The following SMIM31 variants were observed in gnomAD, a reference collection of about 807,000 sequenced individuals.
SMIM31 encodes the protein human epithelial cell program regulator.
chr4:164,778,702 G>A (rs1358697394), intron 2 of SMIM31, among the ~76,000 whole-genome samples: 1 of 152,178 alleles, frequency 6.6e-6, no homozygotes, highest in Non-Finnish European at 1.5e-5. Flanking sequence ...TGCCCAAGGA[G>A]AGGAAGAGGC....
Position 164,790,063 on chromosome 4 carries a change from A to C in SMIM31, c.113-11028A>C, listed in dbSNP as rs1367158296. Reference sequence around the variant, plus strand: ...CTACTTCTGTCTCACGATATATTCAAGGGAACCAGATAAGCAAGGAACACA... The same window carrying C: ...CTACTTCTGTCTCACGATATATTCACGGGAACCAGATAAGCAAGGAACACA... On this transcript the variant is annotated intron_variant, in intron 2 of 2. Transcript: ENST00000507311. Among the ~76,000 whole-genome samples, 6 of 152,322 alleles carry C rather than the reference A, an allele frequency of 3.9e-5. No individual in the cohort carries two copies. The East Asian group carries it at 1.2e-3, about 29-fold the overall frequency.
chr4:164,756,563 C>T (rs1732563960), intron 1 of SMIM31, among the ~76,000 whole-genome samples: 1 of 146,530 alleles, frequency 6.8e-6, no homozygotes, highest in Non-Finnish European at 1.5e-5. Context: ...CAGAGCGAGA[C>T]TCTGTCTCAA....
intron 2 of SMIM31, among the ~76,000 whole-genome samples, chr4:164,799,299 C>T (rs1487975379): frequency 4.6e-5 from 7 of 152,096 alleles, no homozygotes; most frequent in East Asian, 3.9e-4. Context: ...GTGGGAGGAT[C>T]GCTTGAGTCC....
intron 1 of SMIM31, among the ~76,000 whole-genome samples, chr4:164,762,042 G>C (rs955989264): frequency 6.6e-6 from 1 of 152,174 alleles, no homozygotes; most frequent in Non-Finnish European, 1.5e-5. Flanking sequence ...GGAGGGAGGA[G>C]AAACGTGAAA....
At chr4:164,784,899 G>GTTTT (rs112698821) in intron 2 of SMIM31, among the ~76,000 whole-genome samples, 1,754 of 146,182 alleles carry the variant, frequency 0.012, 12 homozygotes, top group African/African-American at 0.016. Context: ...ATTTGTTTGG[G>GTTTT]TTTTTTTTTT....
At chr4:164,773,261 G>A (rs1332004777) in intron 2 of SMIM31, among the ~76,000 whole-genome samples, 1 of 152,104 alleles carries the variant, frequency 6.6e-6, no homozygotes, top group Non-Finnish European at 1.5e-5. Context: ...GTCACTCCTG[G>A]ATTCATGTCC....
chr4:164,784,604 T>C (rs928927362), intron 2 of SMIM31, among the ~76,000 whole-genome samples: 2 of 152,268 alleles, frequency 1.3e-5, no homozygotes, highest in Non-Finnish European at 2.9e-5. Flanking sequence ...ACTACAAAGA[T>C]GCTGGGAGAA....
chr4:164,754,392 C>T lies in SMIM31; in HGVS notation c.-45C>T, dbSNP rs1019155185. On this transcript the variant is annotated 5_prime_UTR_variant, in exon 1 of 3. Coordinates refer to ENST00000507311, the MANE Select transcript of SMIM31 (RefSeq NM_001352885.1). ...TCACGGGTTCCTTCCTAGCCACTCT[C>T]AGGGACAGGAATGCTTCTGGTAAGT... The T allele has an allele frequency of 6.6e-6, 1 of 151,886 alleles. No individual in the cohort carries two copies. The highest frequency in any genetic ancestry group is 1.5e-5 in the Non-Finnish European group (1 of 68,004). 9.4% of individuals were successfully genotyped at this position (151,886 alleles called of 1,614,324 possible). A position where few individuals can be genotyped will look rare whatever the true frequency, so the allele number is the denominator to read the frequency against.
rs2110930049 is a variant in SMIM31, at chr4:164,768,857, G to A, written c.-25-1562G>A. Among the ~76,000 whole-genome samples, 4 of 152,304 alleles carry A rather than the reference G, an allele frequency of 2.6e-5. No homozygotes were observed. The Middle Eastern group carries it at 0.014, about 518-fold the overall frequency. The stretch of plus-strand genomic sequence containing the variant: ...CTTCATATTCTCTGAAGAAGCAGAA[G>A]CTTGATCAATTCATTTTCCAAATAT... On this transcript the variant is annotated intron_variant, in intron 1 of 2. Coordinates refer to ENST00000507311, the MANE Select transcript of SMIM31 (RefSeq NM_001352885.1).
intron 1 of SMIM31, among the ~76,000 whole-genome samples, chr4:164,759,051 T>C (rs1277589833): frequency 6.6e-6 from 1 of 151,966 alleles, no homozygotes; most frequent in Non-Finnish European, 1.5e-5. Context: ...GACCCTGGGA[T>C]AAACCCTGCT....
At chr4:164,766,484 G>A (rs1362109457) in intron 1 of SMIM31, among the ~76,000 whole-genome samples, 2 of 151,950 alleles carry the variant, frequency 1.3e-5, no homozygotes, top group Non-Finnish European at 1.5e-5. Flanking sequence ...AACTTTAATG[G>A]GGAAAGACAG....
chr4:164,759,132 T>C (rs1307795171), intron 1 of SMIM31, among the ~76,000 whole-genome samples: 4 of 152,108 alleles, frequency 2.6e-5, no homozygotes, highest in Admixed American at 2.6e-4. Context: ...GATTTTTGTG[T>C]TTATGTACAT....
At chr4:164,771,362 A>T (rs1211353479) in intron 2 of SMIM31, among the ~76,000 whole-genome samples, 1 of 152,212 alleles carries the variant, frequency 6.6e-6, no homozygotes, top group Admixed American at 6.5e-5. Flanking sequence ...CCAAAATAGC[A>T]GTTACTTTAA....
chr4:164,762,662 C>CA (rs1162067333), intron 1 of SMIM31, among the ~76,000 whole-genome samples: 11,344 of 99,730 alleles, frequency 0.11, 703 homozygotes, highest in African/African-American at 0.21. Flanking sequence ...GACTCTGTCT[C>CA]AAAAAAAAAA....
intron 1 of SMIM31, among the ~76,000 whole-genome samples, chr4:164,768,407 T>C (rs12507750): frequency 0.48 from 67,170 of 141,086 alleles, 16,825 homozygotes; most frequent in Admixed American, 0.56. Flanking sequence ...CCAGCCTGGG[T>C]GACGAGCAAC....
At chr4:164,772,711 TG>T (rs1163582088) in intron 2 of SMIM31, among the ~76,000 whole-genome samples, 2 of 151,642 alleles carry the variant, frequency 1.3e-5, no homozygotes, top group Non-Finnish European at 2.9e-5. Context: ...CCCGTGTAGC[TG>T]GGACTACAGG....
At chr4:164,755,225 A>G (rs976120746) in intron 1 of SMIM31, among the ~76,000 whole-genome samples, 22 of 151,482 alleles carry the variant, frequency 1.5e-4, no homozygotes, top group African/African-American at 5.1e-4. Flanking sequence ...CATGCCTGTA[A>G]TCCCAGTACT....
rs1733299041 is a variant in SMIM31 at position 164,802,423 on chromosome 4, A to T, written c.*1229A>T. 3 of 152,262 alleles carry T rather than the reference A, an allele frequency of 2.0e-5. No individual in the cohort carries two copies. The allele number at this position is 152,262 out of a possible 1,614,324, so 9.4% of individuals were successfully genotyped here. Reference sequence around the variant, plus strand: ...GCTAATTTTTGTAATTGTTTGTAGAACCAAGGCCTCTCTATGTTGCCTAGG... The same window carrying T: ...GCTAATTTTTGTAATTGTTTGTAGATCCAAGGCCTCTCTATGTTGCCTAGG... On this transcript the variant is annotated 3_prime_UTR_variant, in exon 3 of 3. Coordinates refer to ENST00000507311, the MANE Select transcript of SMIM31 (RefSeq NM_001352885.1).
At chr4:164,795,252 G>A (rs2110962779) in intron 2 of SMIM31, among the ~76,000 whole-genome samples, 1 of 152,160 alleles carries the variant, frequency 6.6e-6, no homozygotes, top group Non-Finnish European at 1.5e-5. Flanking sequence ...TATAACAAAG[G>A]GTTAATAAGA....
Sources: allele counts gnomAD v4.1 joint callset (sites outside exome capture counted in the v4.1 genomes callset), GRCh38; gene constraint gnomAD v4.1.1; transcripts MANE v1.5; gene names NCBI Gene and HGNC (gene_info 2026-07-23, HGNC 2026-07-21).